Variants in SCPPPQ1 observed in about 807,000 individuals in gnomAD.
SCPPPQ1 encodes secretory calcium-binding phosphoprotein proline-glutamine rich 1.
the SCPPPQ1 span, among the ~76,000 whole-genome samples, chr4:87,463,705 A>G: frequency 5.3e-5 from 8 of 152,154 alleles, no homozygotes; most frequent in Non-Finnish European, 8.8e-5. Context: ...AAAGTTAGAA[A>G]ATTGATTTGA....
At chr4:87,469,335 T>C in the SCPPPQ1 span, among the ~76,000 whole-genome samples, 1 of 152,114 alleles carries the variant, frequency 6.6e-6, no homozygotes, top group Non-Finnish European at 1.5e-5. Flanking sequence ...CTCTGAGGTG[T>C]TCCTAGGACT....
the SCPPPQ1 span, among the ~76,000 whole-genome samples, chr4:87,467,647 T>C: frequency 0.27 from 40,607 of 152,146 alleles, 6,608 homozygotes; most frequent in East Asian, 0.41. Flanking sequence ...TAGCCCCTTG[T>C]CACGTTCCAC....
At chr4:87,465,760 T>C in the SCPPPQ1 span, among the ~76,000 whole-genome samples, 1 of 152,164 alleles carries the variant, frequency 6.6e-6, no homozygotes, top group African/African-American at 2.4e-5. Context: ...GCTCACCTTC[T>C]ATTTGGTGGA....
the SCPPPQ1 span, among the ~76,000 whole-genome samples, chr4:87,467,195 C>T: frequency 6.6e-6 from 1 of 152,144 alleles, no homozygotes; most frequent in Admixed American, 6.5e-5. Flanking sequence ...AGTCTCTCTT[C>T]CTCATCAGAT....
the SCPPPQ1 span, among the ~76,000 whole-genome samples, chr4:87,465,755 CCTT>C: frequency 6.6e-6 from 1 of 152,008 alleles, no homozygotes; most frequent in African/African-American, 2.4e-5. Flanking sequence ...AGAGAGCTCA[CCTT>C]CTATTTGGTG....
the SCPPPQ1 span, among the ~76,000 whole-genome samples, chr4:87,462,647 G>C: frequency 6.6e-6 from 1 of 152,082 alleles, no homozygotes; most frequent in Non-Finnish European, 1.5e-5. Context: ...TTCTAGGTGT[G>C]GCAGTTTTAC....
chr4:87,463,329 A>G, the SCPPPQ1 span, among the ~76,000 whole-genome samples: 1 of 145,210 alleles, frequency 6.9e-6, no homozygotes, highest in Admixed American at 6.7e-5. Flanking sequence ...AAAAAAAAAA[A>G]CAACAAAAAA....
chr4:87,468,855 A>G, the SCPPPQ1 span, among the ~76,000 whole-genome samples: 1 of 152,208 alleles, frequency 6.6e-6, no homozygotes, highest in Non-Finnish European at 1.5e-5. Flanking sequence ...AGACCACGAT[A>G]CTTGCCAGCT....
chr4:87,470,045 C>G, the SCPPPQ1 span, among the ~76,000 whole-genome samples: 1 of 149,716 alleles, frequency 6.7e-6, no homozygotes, highest in African/African-American at 2.5e-5. Context: ...CCTCGAACTG[C>G]TGGGCTCAAG....
At chr4:87,468,222 G>A in the SCPPPQ1 span, among the ~76,000 whole-genome samples, 1 of 152,162 alleles carries the variant, frequency 6.6e-6, no homozygotes, top group South Asian at 2.1e-4. Flanking sequence ...GGAAGACCAA[G>A]GCTTTTTGCT....
At chr4:87,468,382 T>A in the SCPPPQ1 span, among the ~76,000 whole-genome samples, 2 of 152,222 alleles carry the variant, frequency 1.3e-5, no homozygotes, top group African/African-American at 4.8e-5. Flanking sequence ...TGTGGAAATG[T>A]ACACTTAAGT....
At chr4:87,462,061 A>G in the SCPPPQ1 span, 4 of 152,228 alleles carry the variant, frequency 2.6e-5, no homozygotes, top group Non-Finnish European at 5.9e-5. Flanking sequence ...TATTTTCACC[A>G]CAATTCCTTC....
the SCPPPQ1 span, among the ~76,000 whole-genome samples, chr4:87,469,069 CT>C: frequency 9.2e-5 from 14 of 152,138 alleles, no homozygotes; most frequent in African/African-American, 3.4e-4. Flanking sequence ...TAAATATTTC[CT>C]TCTTTAAAAT....
At chr4:87,463,329 AC>A in the SCPPPQ1 span, among the ~76,000 whole-genome samples, 1 of 145,206 alleles carries the variant, frequency 6.9e-6, no homozygotes, top group Non-Finnish European at 1.5e-5. Flanking sequence ...AAAAAAAAAA[AC>A]AACAAAAAAA....
At chr4:87,461,999 T>C in the SCPPPQ1 span, 1 of 152,242 alleles carries the variant, frequency 6.6e-6, no homozygotes, top group Admixed American at 6.5e-5. Flanking sequence ...AGTGGGAGAA[T>C]TATTTCTGTC....
At chr4:87,463,318 TA>T in the SCPPPQ1 span, among the ~76,000 whole-genome samples, 10,765 of 133,322 alleles carry the variant, frequency 0.081, 1,261 homozygotes, top group African/African-American at 0.28. Flanking sequence ...TTCCAAAAGT[TA>T]AAAAAAAAAA....
the SCPPPQ1 span, among the ~76,000 whole-genome samples, chr4:87,467,167 T>C: frequency 0.28 from 42,179 of 152,066 alleles, 7,159 homozygotes; most frequent in East Asian, 0.41. Context: ...TCAAATTACA[T>C]TGTAGTTTCC....
chr4:87,464,821 G>T, the SCPPPQ1 span, among the ~76,000 whole-genome samples: 3 of 152,132 alleles, frequency 2.0e-5, no homozygotes, highest in Non-Finnish European at 4.4e-5. Context: ...GTGACAGAGC[G>T]AGACTCAGTC....
the SCPPPQ1 span, among the ~76,000 whole-genome samples, chr4:87,461,331 C>T: frequency 6.6e-6 from 1 of 152,122 alleles, no homozygotes. Context: ...CTGTTGTATT[C>T]CCTACTAAGG....
Sources: gnomAD v4.1 joint callset for allele counts (sites outside exome capture counted in the v4.1 genomes callset) on GRCh38, gnomAD v4.1.1 for gene constraint, MANE v1.5 for transcripts, NCBI Gene and HGNC (gene_info 2026-07-23, HGNC 2026-07-21) for gene names.